FAM193A: variants seen among roughly 807,000 people sequenced by gnomAD.
FAM193A encodes the protein family with sequence similarity 193 member A, also known as protein FAM193A.
Under a neutral mutation model 126.5 loss-of-function variants are expected in FAM193A, and 22 were observed. The observed-to-expected ratio is 0.17, with a 90% CI of 0.12 to 0.25. The LOEUF (loss-of-function observed/expected upper bound fraction) is 0.25. Ranked by LOEUF, FAM193A falls within the 10% of genes least tolerant of loss-of-function variation. FAM193A has a pLI of 1.00. For missense variants in FAM193A, 1,675 were observed against 1,672.8 expected, an observed-to-expected ratio of 1.00 and a Z score of -0.02; for synonymous variants, 761 against 646.8, an observed-to-expected ratio of 1.18 and a Z score of -2.68.
chr4:2,703,217 G>A (rs576508493), intron 19 of FAM193A, among the ~76,000 whole-genome samples: 3 of 152,062 alleles, frequency 2.0e-5, no homozygotes, highest in African/African-American at 4.8e-5. Context: ...TTGTGCGAGC[G>A]TTTAGGTTGT....
At chr4:2,670,388 G>A (rs1713652758) in intron 12 of FAM193A, among the ~76,000 whole-genome samples, 1 of 151,532 alleles carries the variant, frequency 6.6e-6, no homozygotes, top group South Asian at 2.1e-4. Flanking sequence ...TGACATCTTT[G>A]TGTGCTAATT....
At chr4:2,672,935 A>G (rs909763935) in intron 13 of FAM193A, among the ~76,000 whole-genome samples, 1 of 152,246 alleles carries the variant, frequency 6.6e-6, no homozygotes, top group Admixed American at 6.5e-5. Flanking sequence ...AGAAGCTGCC[A>G]GAAACCCAGT....
intron 3 of FAM193A, 132 bp downstream of exon 3, chr4:2,625,527 A>T (rs1396470275): frequency 1.9e-6 from 1 of 517,506 alleles, no homozygotes; most frequent in African/African-American, 1.9e-5. Flanking sequence ...TTCGCTATTG[A>T]GAGAAAGAAC....
intron 20 of FAM193A, among the ~76,000 whole-genome samples, chr4:2,726,365 C>G (rs16843291): frequency 0.32 from 49,252 of 152,052 alleles, 9,420 homozygotes; most frequent in Admixed American, 0.51. Flanking sequence ...GTAATCACCT[C>G]CTCTCCTAAT....
At chr4:2,635,596 G>A (rs759895296) in intron 5 of FAM193A, among the ~76,000 whole-genome samples, 7 of 152,166 alleles carry the variant, frequency 4.6e-5, no homozygotes, top group Non-Finnish European at 1.0e-4. Context: ...GCAGTGGTGA[G>A]ATCTTGGCTC....
intron 20 of FAM193A, among the ~76,000 whole-genome samples, chr4:2,721,798 CACG>C (rs1431292609): frequency 6.6e-6 from 1 of 152,210 alleles, no homozygotes; most frequent in Non-Finnish European, 1.5e-5. Flanking sequence ...CACTTGTGTG[CACG>C]ACTAGAGGTT....
At chr4:2,643,006 G>T (rs1744792616) in intron 6 of FAM193A, among the ~76,000 whole-genome samples, 1 of 152,028 alleles carries the variant, frequency 6.6e-6, no homozygotes, top group African/African-American at 2.4e-5. Flanking sequence ...ATGATGGTCA[G>T]ACTCCAACCA....
chr4:2,646,884 G>T (rs1315148129), intron 7 of FAM193A, 52 bp downstream of exon 7: 1 of 1,539,188 alleles, frequency 6.5e-7, no homozygotes, highest in South Asian at 1.3e-5. Context: ...AGACGGCCCT[G>T]TTGAAGGCAG....
chr4:2,693,774 A>G lies in FAM193A; in HGVS notation c.2992A>G (p.Thr998Ala). 1 of 1,613,978 alleles carries G rather than the reference A, an allele frequency of 6.2e-7. No homozygotes were observed. Among genetic ancestry groups the G allele is most frequent in the Non-Finnish European group, 8.5e-7 (1 of 1,179,980 alleles). ...LAAPSFPKTA[T>A]TTPGFVDTRK... ...AGCCCCATCATTCCCCAAAACAGCA[A>G]CCACAACTCCTGGGTTTGTGGACAC... is the stretch of plus-strand genomic sequence containing the variant. Residue 998 changes from threonine to alanine, a missense_variant, in exon 16 of 21, where the codon ACC becomes GCC. By Grantham distance (58) the Thr-to-Ala change is moderately conservative. Transcript: ENST00000637812.
chr4:2,600,045 G>A (rs1035666756), intron 2 of FAM193A, among the ~76,000 whole-genome samples: 16 of 152,080 alleles, frequency 1.1e-4, no homozygotes, highest in Non-Finnish European at 2.1e-4. Context: ...GACTATAGGC[G>A]CGCAACACCA....
intron 7 of FAM193A, chr4:2,654,900 T>C (rs1711515890): frequency 2.1e-6 from 1 of 471,854 alleles, no homozygotes; most frequent in Non-Finnish European, 3.8e-6. Flanking sequence ...GGAGATGCCC[T>C]GTGACCAGTC....
chr4:2,639,948 G>T, intron 6 of FAM193A, 89 bp downstream of exon 6: 1 of 1,270,088 alleles, frequency 7.9e-7, no homozygotes, highest in South Asian at 1.9e-5. Flanking sequence ...GTACCACTGA[G>T]TATGAAAGTT....
chr4:2,574,605 C>T (rs951855514), intron 1 of FAM193A, among the ~76,000 whole-genome samples: 24 of 152,020 alleles, frequency 1.6e-4, no homozygotes, highest in Admixed American at 1.6e-3. Context: ...GAGAAGGGAG[C>T]CCTGAGGATC....
chr4:2,591,162 G>C (rs1281077097), intron 1 of FAM193A, among the ~76,000 whole-genome samples: 1 of 152,078 alleles, frequency 6.6e-6, no homozygotes, highest in Non-Finnish European at 1.5e-5. Context: ...GGGATGCCTC[G>C]CAGTTGTCTT....
chr4:2,691,114 A>T (rs555915315), intron 15 of FAM193A, 144 bp downstream of exon 15: 2 of 691,162 alleles, frequency 2.9e-6, no homozygotes, highest in Admixed American at 3.0e-5. Flanking sequence ...AAAAATGCTC[A>T]CACACAGAGA....
intron 13 of FAM193A, among the ~76,000 whole-genome samples, chr4:2,677,696 G>A (rs1195520141): frequency 2.0e-5 from 3 of 149,800 alleles, no homozygotes; most frequent in South Asian, 2.1e-4. Flanking sequence ...AGCCAAGATC[G>A]CGCCATTGCA....
At chr4:2,675,812 C>T (rs1407441580) in intron 13 of FAM193A, among the ~76,000 whole-genome samples, 2 of 152,168 alleles carry the variant, frequency 1.3e-5, no homozygotes, top group Admixed American at 6.5e-5. Flanking sequence ...TCTCCCAGCC[C>T]TGGGCATCCA....
chr4:2,565,813 C>G (rs891943028), intron 1 of FAM193A, among the ~76,000 whole-genome samples: 2 of 152,090 alleles, frequency 1.3e-5, no homozygotes, highest in Non-Finnish European at 2.9e-5. Context: ...AAGTACTTGG[C>G]AAGACACAGG....
rs138436597 is a variant in FAM193A at position 2,570,219 on chromosome 4, G to A, written c.256-25865G>A. The stretch of plus-strand genomic sequence containing the variant: ...TGCCATTAGTTAAACTCATTGGGCC[G>A]GTTTGAATCTGTACTTCCTTGAACA... On this transcript the variant is annotated intron_variant, in intron 1 of 20. Coordinates refer to ENST00000637812, the MANE Select transcript of FAM193A (RefSeq NM_001366318.2). Among the ~76,000 whole-genome samples the A allele has an allele frequency of 3.6e-3, 547 of 152,146 alleles. 3 individuals carry two copies. Among genetic ancestry groups the A allele is most frequent in the South Asian group, 0.015 (74 of 4,826 alleles).
Sources: gnomAD v4.1 joint callset for allele counts (sites outside exome capture counted in the v4.1 genomes callset) on GRCh38, gnomAD v4.1.1 for gene constraint, MANE v1.5 for transcripts, NCBI Gene and HGNC (gene_info 2026-07-23, HGNC 2026-07-21) for gene names.